MS4A10: variants seen among roughly 807,000 people sequenced by gnomAD.
The protein encoded by MS4A10 is membrane-spanning 4-domains subfamily A member 10.
In MS4A10, 27 loss-of-function variants were observed where a neutral mutation model predicts 27.7. That is an observed-to-expected ratio of 0.98 (90% CI 0.72 to 1.35). The LOEUF (loss-of-function observed/expected upper bound fraction) is 1.35, where lower values mean the gene tolerates loss of function less well. Among genes scored for constraint, MS4A10 ranks in the 40% most tolerant of loss-of-function variants. The probability of loss-of-function intolerance (pLI) is 0.00; values close to 1 mark genes in which losing one functional copy is unlikely to be tolerated. For synonymous variants in MS4A10, 139 were observed against 131.2 expected (o/e 1.06, Z -0.41); for missense variants, 338 against 324.7 (o/e 1.04, Z -0.32).
chr11:60,789,328 C>T (rs372641250), intron 1 of MS4A10, among the ~76,000 whole-genome samples: 4 of 152,204 alleles, frequency 2.6e-5, no homozygotes, highest in East Asian at 1.9e-4. Context: ...CCCTTTCTTC[C>T]CCGCCCAGCT....
chr11:60,793,105 T>G (rs1364756307), intron 4 of MS4A10, among the ~76,000 whole-genome samples: 1 of 152,160 alleles, frequency 6.6e-6, no homozygotes, highest in African/African-American at 2.4e-5. Context: ...CCCCTCCTTC[T>G]GCCCCCGAAG....
chr11:60,794,141 G>A (rs757683182), intron 5 of MS4A10, 38 bp downstream of exon 5: 18 of 1,612,038 alleles, frequency 1.1e-5, no homozygotes, highest in African/African-American at 5.3e-5. Context: ...TGACTTCAGC[G>A]AAGGTGCTGC....
chr11:60,785,697 G>A (rs551948), intron 1 of MS4A10, among the ~76,000 whole-genome samples: 148,422 of 152,250 alleles, frequency 0.97, 72,461 homozygotes, highest in Middle Eastern at 1. Context: ...AGGGGGCACC[G>A]TCGGCCTCTC....
intron 3 of MS4A10, 74 bp downstream of exon 3, chr11:60,791,167 C>T (rs1051747942): frequency 1.3e-6 from 2 of 1,585,712 alleles, no homozygotes; most frequent in Admixed American, 1.7e-5. Flanking sequence ...GCATTTGGGA[C>T]AGGATGCAGG....
chr11:60,798,599 A>C, intron 7 of MS4A10, 85 bp downstream of exon 7: 1 of 1,072,456 alleles, frequency 9.3e-7, no homozygotes, highest in Non-Finnish European at 1.4e-6. Flanking sequence ...ACCAGTTCCC[A>C]GGGGAGCTGT....
chr11:60,794,034 C>G lies in MS4A10; in HGVS notation c.423C>G (p.Val141=). The G allele has an allele frequency of 1.9e-6, 3 of 1,614,196 alleles. No individual in the cohort carries two copies. Among genetic ancestry groups the G allele is most frequent in the Non-Finnish European group, 1.7e-6 (2 of 1,180,042 alleles). The change falls in exon 5 of 8, where the codon GTC becomes GTG. Residue 141 remains valine (V), a synonymous_variant. Coordinates refer to ENST00000308287, the MANE Select transcript of MS4A10 (RefSeq NM_206893.4). The part of the protein sequence containing the change: ...SLFCVLSGLF[V]ISKDLFLESP... ...TTTGCGTGCTGTCTGGCCTCTTCGT[C>G]ATCTCCAAGGATCTCTTTCTGGAGA...
chr11:60,799,178 G>T (rs906733877), intron 7 of MS4A10, among the ~76,000 whole-genome samples: 1 of 152,224 alleles, frequency 6.6e-6, no homozygotes, highest in Non-Finnish European at 1.5e-5. Context: ...GAGTCTCCCA[G>T]CTTGAAAGCT....
intron 3 of MS4A10, among the ~76,000 whole-genome samples, chr11:60,791,731 G>T (rs1372676057): frequency 6.6e-6 from 1 of 152,212 alleles, no homozygotes; most frequent in Admixed American, 6.5e-5. Flanking sequence ...ACAGGATGGG[G>T]CTTTCACTGC....
intron 3 of MS4A10, among the ~76,000 whole-genome samples, chr11:60,791,577 C>T (rs151310172): frequency 6.6e-6 from 1 of 152,226 alleles, no homozygotes; most frequent in African/African-American, 2.4e-5. Context: ...AGAAGCTCTA[C>T]ATTCCTTCAG....
intron 3 of MS4A10, 152 bp from the exon 4 acceptor site, chr11:60,792,113 G>C (rs1053775526): frequency 1.5e-6 from 1 of 658,598 alleles, no homozygotes; most frequent in African/African-American, 1.8e-5. Flanking sequence ...CACATGGCAG[G>C]CAAGAGGAGC....
At chr11:60,795,522 C>T in intron 5 of MS4A10, 33 bp from the exon 6 acceptor site, 1 of 1,447,506 alleles carries the variant, frequency 6.9e-7, no homozygotes, top group Non-Finnish European at 9.2e-7. Flanking sequence ...CCAGCGAGGC[C>T]TCACCCTGCC....
In MS4A10 at chr11:60,800,000, C is replaced by G. The variant is rs1854605655; in HGVS notation, c.*91C>G. 6.2e-7 allele frequency: 1 copy of G among 1,601,254 alleles called. No individual in the cohort carries two copies. The highest frequency in any genetic ancestry group is 1.7e-5 in the Admixed American group (1 of 59,670). On this transcript the variant is annotated 3_prime_UTR_variant, in exon 8 of 8. Coordinates refer to ENST00000308287, the MANE Select transcript of MS4A10 (RefSeq NM_206893.4). ...TTTCACTGGGAAGATGAGATTTGCA[C>G]ATACAAAAGGCTAGAGCGATGGTCT... is the stretch of plus-strand genomic sequence containing the variant.
At chr11:60,790,016 C>G (rs1854397980) in intron 1 of MS4A10, among the ~76,000 whole-genome samples, 1 of 152,178 alleles carries the variant, frequency 6.6e-6, no homozygotes, top group Non-Finnish European at 1.5e-5. Context: ...TGCAGTCTGG[C>G]CACTTTGGGT....
At chr11:60,797,663 A>AAACCTTAATTCCATCTGC (rs1176249337) in intron 6 of MS4A10, among the ~76,000 whole-genome samples, 1 of 152,218 alleles carries the variant, frequency 6.6e-6, no homozygotes, top group Admixed American at 6.5e-5. Flanking sequence ...AGCTGATTGG[A>AAACCTTAATTCCATCTGC]AACCTTAATT....
chr11:60,792,167 A>G, intron 3 of MS4A10, 98 bp from the exon 4 acceptor site: 1 of 936,936 alleles, frequency 1.1e-6, no homozygotes, highest in Non-Finnish European at 1.7e-6. Flanking sequence ...ACTGGCCGCC[A>G]AGGGTTGATT....
At position 60,792,258 on chromosome 11, in the gene MS4A10, C is replaced by T. The variant is rs1010496794; in HGVS notation, c.304-7C>T. ...TCTCTCCTTTGACTTTCAAATCTGTCCTGCAGTTTCTCATTTCAGGGATCT... is the reference window on the plus strand; with the variant it reads ...TCTCTCCTTTGACTTTCAAATCTGTTCTGCAGTTTCTCATTTCAGGGATCT... On this transcript the variant is annotated splice_polypyrimidine_tract_variant and splice_region_variant and intron_variant, in intron 3 of 7. Coordinates refer to ENST00000308287, the MANE Select transcript of MS4A10 (RefSeq NM_206893.4). 1.9e-6 allele frequency: 3 copies of T among 1,612,996 alleles called. No individual in the cohort carries two copies. Among genetic ancestry groups the T allele is most frequent in the South Asian group, 1.1e-5 (1 of 91,046 alleles).
chr11:60,797,468 C>T (rs1325533105), intron 6 of MS4A10, among the ~76,000 whole-genome samples: 1 of 152,182 alleles, frequency 6.6e-6, no homozygotes, highest in Non-Finnish European at 1.5e-5. Flanking sequence ...CAAAAAGAAT[C>T]TCTTTCCTTG....
chr11:60,795,657 T>C lies in MS4A10; in HGVS notation c.595T>C (p.Ser199Pro). Residue 199 changes from serine to proline, a missense_variant, in exon 6 of 8, where the codon TCT (serine) becomes CCT (proline). Coordinates refer to ENST00000308287, the MANE Select transcript of MS4A10 (RefSeq NM_206893.4). The part of the protein sequence containing the change: ...AVTAWRGDCP[S>P]AKNDDACLVP... The stretch of plus-strand genomic sequence containing the variant: ...CACAGCCTGGAGAGGGGACTGCCCA[T>C]CTGCAAAGGTAAGACAAGGGCTTGT... 6.4e-7 allele frequency: 1 copy of C among 1,574,400 alleles called. No homozygotes were observed.
At position 60,795,614 on chromosome 11, in the gene MS4A10, G is replaced by T; in HGVS notation, c.552G>T (p.Leu184=). The T allele has an allele frequency of 1.3e-6, 2 of 1,596,042 alleles. No homozygotes were observed. The highest frequency in any genetic ancestry group is 2.3e-5 in the South Asian group (2 of 88,178). The change falls in exon 6 of 8, where the codon CTG becomes CTT. Residue 184 remains leucine (L), a synonymous_variant. Transcript: ENST00000308287. ...LLCFTVLELF[L]PVPTAVTAWR... is the part of the protein sequence containing the mutation. ...GCTTCACTGTCCTAGAGCTCTTCCT[G>T]CCAGTGCCCACAGCTGTCACAGCCT...
Sources: gnomAD v4.1 joint callset for allele counts (sites outside exome capture counted in the v4.1 genomes callset) on GRCh38, gnomAD v4.1.1 for gene constraint, MANE v1.5 for transcripts, NCBI Gene and HGNC (gene_info 2026-07-23, HGNC 2026-07-21) for gene names.